Variants in UEVLD observed in about 807,000 individuals in gnomAD.
The protein encoded by UEVLD is UEV and lactate/malate dehyrogenase domains, also known as ubiquitin-conjugating enzyme E2 variant 3.
Under a neutral mutation model 58.6 loss-of-function variants are expected in UEVLD, and 47 were observed. The ratio of observed to expected loss-of-function variants is 0.80; its 90% CI spans 0.63 to 1.02. The LOEUF is 1.02. UEVLD is among the 50% of genes least tolerant of loss of function. The pLI is 0.00. For synonymous variants in UEVLD, 197 were observed against 195.3 expected, an observed-to-expected ratio of 1.01 and a Z score of -0.07; for missense variants, 510 against 550.6, an observed-to-expected ratio of 0.93 and a Z score of 0.74.
intron 7 of UEVLD, among the ~76,000 whole-genome samples, chr11:18,553,610 C>T (rs762414241): frequency 9.2e-5 from 14 of 151,986 alleles, no homozygotes; most frequent in Non-Finnish European, 1.3e-4. Flanking sequence ...AAGTGCAACC[C>T]GATGTCCATT....
At chr11:18,581,859 ATAGGAGT>A (rs1853257302) in intron 1 of UEVLD, among the ~76,000 whole-genome samples, 1 of 152,106 alleles carries the variant, frequency 6.6e-6, no homozygotes. Context: ...TGTTTTTTGG[ATAGGAGT>A]TAGCAAATAG....
At position 18,566,253 on chromosome 11, in the gene UEVLD, A is replaced by G. The variant is rs1565130979; in HGVS notation, c.493+94T>C. The G allele has an allele frequency of 1.9e-6, 3 of 1,542,308 alleles. No homozygotes were observed. In the Admixed American group the frequency reaches 5.8e-5, roughly 30 times the overall value. The stretch of plus-strand genomic sequence containing the variant: ...CAGATGTACATACGCACACAAATTT[A>G]TTTATAAAAATCAAGTGGCAGAAAG... On this transcript the variant is annotated intron_variant, in intron 5 of 11. Transcript: ENST00000396197.
intron 1 of UEVLD, among the ~76,000 whole-genome samples, chr11:18,587,095 G>A (rs1853611190): frequency 6.6e-6 from 1 of 151,656 alleles, no homozygotes; most frequent in Non-Finnish European, 1.5e-5. Flanking sequence ...TGCACTGATG[G>A]GGAAAAAAAA....
intron 7 of UEVLD, among the ~76,000 whole-genome samples, chr11:18,555,353 G>A (rs997450749): frequency 8.6e-5 from 13 of 151,962 alleles, no homozygotes; most frequent in Non-Finnish European, 8.8e-5. Flanking sequence ...GTGAACCCGG[G>A]AGGTGGAGCT....
At chr11:18,581,162 CAAAA>C (rs34170647) in intron 1 of UEVLD, among the ~76,000 whole-genome samples, 2 of 82,892 alleles carry the variant, frequency 2.4e-5, no homozygotes, top group Admixed American at 1.2e-4. Context: ...GACTCAGTCT[CAAAA>C]AAAAAAAAAA....
At chr11:18,552,363 A>G (rs1215600132) in intron 7 of UEVLD, among the ~76,000 whole-genome samples, 1 of 152,046 alleles carries the variant, frequency 6.6e-6, no homozygotes. Flanking sequence ...CTGAGACAAC[A>G]TGGTGAAACC....
chr11:18,575,478 G>A (rs1852858249), intron 2 of UEVLD, 66 bp from the exon 3 acceptor site: 1 of 1,491,548 alleles, frequency 6.7e-7, no homozygotes, highest in Non-Finnish European at 9.1e-7. Flanking sequence ...AGTAAAGTAT[G>A]TAAGTGTGCA....
At chr11:18,545,362 C>T (rs1253747499) in intron 8 of UEVLD, among the ~76,000 whole-genome samples, 4 of 150,474 alleles carry the variant, frequency 2.7e-5, no homozygotes, top group East Asian at 2.0e-4. Flanking sequence ...TGAGCCACCG[C>T]GCCCAGCCCA....
chr11:18,582,837 T>C (rs1237123848), intron 1 of UEVLD, among the ~76,000 whole-genome samples: 1 of 152,178 alleles, frequency 6.6e-6, no homozygotes, highest in Non-Finnish European at 1.5e-5. Context: ...ATTACATGGT[T>C]ATAAAAATTA....
intron 6 of UEVLD, chr11:18,564,003 TA>T (rs34386323): frequency 0.077 from 11,862 of 155,014 alleles, 7 homozygotes; most frequent in South Asian, 0.12. Flanking sequence ...AGACTCCACC[TA>T]AAAAAAAAAA....
At chr11:18,563,320 G>C (rs867410921) in intron 6 of UEVLD, among the ~76,000 whole-genome samples, 47 of 152,300 alleles carry the variant, frequency 3.1e-4, no homozygotes, top group African/African-American at 1.1e-3. Flanking sequence ...GCCGGGTGCA[G>C]TGGGGCATGC....
chr11:18,558,896 C>T (rs995795456), intron 6 of UEVLD, among the ~76,000 whole-genome samples: 5 of 151,840 alleles, frequency 3.3e-5, no homozygotes, highest in African/African-American at 1.2e-4. Context: ...CTTTTGAGAA[C>T]AGCATTTCAC....
chr11:18,546,984 G>T lies in UEVLD; in HGVS notation c.782C>A (p.Ser261Ter), dbSNP rs757673514. The T allele has an allele frequency of 5.0e-6, 8 of 1,614,026 alleles. No homozygotes were observed. The highest frequency in any genetic ancestry group is 2.2e-5 in the South Asian group (2 of 91,048). The part of the protein sequence containing the change: ...FTVNSLGSSQ[S>*]YLDVVQSNVD... ...ATTGCTCTGTACCACATCAAGGTAC[G>T]ACTGAGAACTACCCAAAGAGTTGAC... Residue 261 changes from serine to a stop codon, truncating the protein, a stop_gained, in exon 8 of 12, where the codon TCG becomes TAG. Transcript: ENST00000396197. LOFTEE classifies it high-confidence loss of function.
Position 18,588,663 on chromosome 11 carries a change from C to G in UEVLD, c.-9G>C, listed in dbSNP as rs539617271. The G allele has an allele frequency of 1.2e-5, 20 of 1,608,402 alleles. No individual in the cohort carries two copies. The highest frequency in any genetic ancestry group is 3.3e-4 in the Middle Eastern group (2 of 6,080). Reference sequence around the variant, plus strand: ...TCGCAGTCGAACTCCATCTCCAGGCCGGTCCCGAGCTAGGTCCCAGGACTC... The same window carrying G: ...TCGCAGTCGAACTCCATCTCCAGGCGGGTCCCGAGCTAGGTCCCAGGACTC... On this transcript the variant is annotated 5_prime_UTR_variant, in exon 1 of 12. Transcript: ENST00000396197.
intron 1 of UEVLD, among the ~76,000 whole-genome samples, chr11:18,588,011 T>C (rs747396636): frequency 6.6e-6 from 1 of 152,194 alleles, no homozygotes; most frequent in Non-Finnish European, 1.5e-5. Flanking sequence ...CTTCAAGCTC[T>C]GTCTTCATCT....
At chr11:18,585,811 T>A (rs1052153890) in intron 1 of UEVLD, among the ~76,000 whole-genome samples, 2 of 152,114 alleles carry the variant, frequency 1.3e-5, no homozygotes, top group Non-Finnish European at 2.9e-5. Flanking sequence ...TTTTTACATT[T>A]TTTAGGAGAG....
rs1411541271 is a variant in UEVLD, at chr11:18,548,456, C to T, written c.716-1406G>A. ...TTTTTTGTTTTTTGAAATGGAGTTT[C>T]GCTCTTGTTGCCCCAGGCTGATGTC... On this transcript the variant is annotated intron_variant, in intron 7 of 11. Coordinates refer to ENST00000396197, the MANE Select transcript of UEVLD (RefSeq NM_001040697.4). Among the ~76,000 whole-genome samples, 4 of 152,182 alleles carry T rather than the reference C, an allele frequency of 2.6e-5. No individual in the cohort carries two copies. In the East Asian group the frequency reaches 5.8e-4, roughly 22 times the overall value.
chr11:18,575,852 T>C (rs955027141), intron 2 of UEVLD, among the ~76,000 whole-genome samples: 5 of 152,180 alleles, frequency 3.3e-5, no homozygotes, highest in African/African-American at 1.2e-4. Flanking sequence ...TCAATGTCAG[T>C]TGCAAAGCAG....
At chr11:18,538,389 G>A (rs1027746255) in intron 9 of UEVLD, among the ~76,000 whole-genome samples, 1 of 149,858 alleles carries the variant, frequency 6.7e-6, no homozygotes, top group Admixed American at 6.7e-5. Flanking sequence ...CGATTCTATT[G>A]CCTCAGCCTC....
Sources: allele counts gnomAD v4.1 joint callset (sites outside exome capture counted in the v4.1 genomes callset), GRCh38; gene constraint gnomAD v4.1.1; transcripts MANE v1.5; gene names NCBI Gene and HGNC (gene_info 2026-07-23, HGNC 2026-07-21).